CRACD: variants seen among roughly 807,000 people sequenced by gnomAD.
CRACD encodes the protein capping protein inhibiting regulator of actin dynamics.
In CRACD, 56 loss-of-function variants were observed where a neutral mutation model predicts 106.8. The ratio of observed to expected loss-of-function variants is 0.52; its 90% CI spans 0.42 to 0.66. CRACD has a LOEUF of 0.66. CRACD is among the 30% of genes least tolerant of loss of function. CRACD has a pLI of 0.00. For synonymous variants in CRACD, 754 were observed against 670.8 expected (o/e 1.12, Z -1.92); for missense variants, 1,730 against 1,623.2 (o/e 1.07, Z -1.13).
chr4:56,262,974 T>C (rs1333692747), intron 2 of CRACD, among the ~76,000 whole-genome samples: 4 of 152,128 alleles, frequency 2.6e-5, no homozygotes, highest in African/African-American at 9.7e-5. Context: ...AGGTCTATGT[T>C]GTTGAGCATC....
chr4:56,221,749 G>A (rs896745990), intron 2 of CRACD, among the ~76,000 whole-genome samples: 4 of 152,142 alleles, frequency 2.6e-5, no homozygotes, highest in Non-Finnish European at 5.9e-5. Flanking sequence ...TTTCTCAAAA[G>A]AGGATGTACA....
chr4:56,135,671 T>G (rs1734977117), intron 1 of CRACD, among the ~76,000 whole-genome samples: 1 of 152,176 alleles, frequency 6.6e-6, no homozygotes, highest in African/African-American at 2.4e-5. Context: ...GAGTGGGTTG[T>G]GAATGAGGAA....
At chr4:56,050,273 A>AGT (rs3036783) in intron 1 of CRACD, among the ~76,000 whole-genome samples, 35,348 of 134,054 alleles carry the variant, frequency 0.26, 5,094 homozygotes, top group East Asian at 0.41. Context: ...TAGGTGAGGG[A>AGT]GTGTGTGTGT....
intron 3 of CRACD, among the ~76,000 whole-genome samples, chr4:56,288,217 C>T (rs1270127329): frequency 6.6e-6 from 1 of 152,102 alleles, no homozygotes; most frequent in Non-Finnish European, 1.5e-5. Flanking sequence ...TTACCTTCCT[C>T]CTCCTGCTCT....
At chr4:56,219,336 T>A (rs1738907065) in intron 2 of CRACD, among the ~76,000 whole-genome samples, 1 of 151,920 alleles carries the variant, frequency 6.6e-6, no homozygotes, top group Non-Finnish European at 1.5e-5. Context: ...GAATATTAGG[T>A]TTTGTTCGTT....
rs113979548 is a variant in CRACD, at chr4:56,204,229, T to C, written c.-189+24799T>C. On this transcript the variant is annotated intron_variant, in intron 2 of 10. Coordinates refer to ENST00000682029, the MANE Select transcript of CRACD (RefSeq NM_001393381.1). Reference sequence around the variant, plus strand: ...CCATGGAGTGGCCAGATTGCTGAGCTAGTAGAGATCCATTAGACTCTCCTT... The same window carrying C: ...CCATGGAGTGGCCAGATTGCTGAGCCAGTAGAGATCCATTAGACTCTCCTT... Among the ~76,000 whole-genome samples, 625 of 152,352 alleles carry C rather than the reference T, an allele frequency of 4.1e-3. 4 individuals are homozygous for C. The highest frequency in any genetic ancestry group is 0.014 in the African/African-American group (584 of 41,586).
intron 1 of CRACD, among the ~76,000 whole-genome samples, chr4:56,053,813 T>TA (rs1473631880): frequency 1.3e-5 from 2 of 151,960 alleles, no homozygotes; most frequent in Non-Finnish European, 2.9e-5. Context: ...CAAAGAACAG[T>TA]AGTTTCATGG....
At chr4:56,121,066 T>C (rs1343346083) in intron 1 of CRACD, among the ~76,000 whole-genome samples, 1 of 152,228 alleles carries the variant, frequency 6.6e-6, no homozygotes, top group Non-Finnish European at 1.5e-5. Flanking sequence ...ATATATAACC[T>C]GGACTGGATC....
intron 2 of CRACD, among the ~76,000 whole-genome samples, chr4:56,183,235 A>AAAAATAAAATAAATAAAATAAAAT (rs1736920057): frequency 1.6e-5 from 2 of 124,394 alleles, no homozygotes; most frequent in African/African-American, 6.4e-5. Context: ...CTCCGTCTCA[A>AAAAATAAAATAAATAAAATAAAAT]AAAATAAAAT....
intron 1 of CRACD, among the ~76,000 whole-genome samples, chr4:56,161,575 C>G (rs1257974866): frequency 6.6e-6 from 1 of 151,850 alleles, no homozygotes; most frequent in Admixed American, 6.6e-5. Flanking sequence ...CCTCAGCCTC[C>G]CAAGTAGCTG....
At chr4:56,112,350 G>A (rs1349577063) in intron 1 of CRACD, among the ~76,000 whole-genome samples, 1 of 152,188 alleles carries the variant, frequency 6.6e-6, no homozygotes, top group African/African-American at 2.4e-5. Context: ...GCAGTTACAG[G>A]CAAAGTCGTA....
Position 56,316,286 on chromosome 4 carries a change from T to G in CRACD, c.2784T>G (p.Ser928=), listed in dbSNP as rs1184865348. The G allele has an allele frequency of 3.7e-6, 6 of 1,613,862 alleles. No individual in the cohort carries two copies. The highest frequency in any genetic ancestry group is 1.3e-5 in the African/African-American group (1 of 74,934). The change falls in exon 8 of 11, where the codon TCT becomes TCG. Residue 928 remains serine, a synonymous_variant. Transcript: ENST00000682029. ...CCGCTGAACCTTCCAGCAGCCGCTC[T>G]GTTCCTGTGGCCCACCCTGGGCCTC... ...RDSAEPSSSR[S]VPVAHPGPPP...
At chr4:56,191,977 G>T (rs1341690013) in intron 2 of CRACD, among the ~76,000 whole-genome samples, 1 of 152,106 alleles carries the variant, frequency 6.6e-6, no homozygotes, top group Non-Finnish European at 1.5e-5. Context: ...TGCTAGAACT[G>T]CCCAGAAGAA....
chr4:56,236,030 AAAAATGCT>A (rs1291809842), intron 2 of CRACD, among the ~76,000 whole-genome samples: 1 of 152,178 alleles, frequency 6.6e-6, no homozygotes, highest in Non-Finnish European at 1.5e-5. Flanking sequence ...TGTATCCTTG[AAAAATGCT>A]ATGTTGGAAT....
chr4:56,247,861 AAGAG>A (rs201091189), intron 2 of CRACD, among the ~76,000 whole-genome samples: 4 of 151,260 alleles, frequency 2.6e-5, no homozygotes, highest in African/African-American at 9.7e-5. Flanking sequence ...AAAAAAAAAA[AAGAG>A]AGAGAGAGAG....
chr4:56,215,938 T>A (rs954847351), intron 2 of CRACD, among the ~76,000 whole-genome samples: 1 of 152,248 alleles, frequency 6.6e-6, no homozygotes, highest in Non-Finnish European at 1.5e-5. Context: ...TAATATGCTC[T>A]TATAGATGAG....
intron 3 of CRACD, among the ~76,000 whole-genome samples, chr4:56,295,660 C>T (rs1333683789): frequency 4.6e-5 from 5 of 109,116 alleles, no homozygotes; most frequent in African/African-American, 1.0e-4. Flanking sequence ...AATTAGTAAA[C>T]ATATATATAT....
intron 2 of CRACD, among the ~76,000 whole-genome samples, chr4:56,230,531 G>A (rs1019364255): frequency 3.9e-5 from 6 of 152,134 alleles, no homozygotes; most frequent in East Asian, 1.9e-4. Flanking sequence ...CTAGTTCTGC[G>A]CTAACTTGCC....
intron 1 of CRACD, among the ~76,000 whole-genome samples, chr4:56,123,180 G>T (rs1325454803): frequency 6.6e-6 from 1 of 152,206 alleles, no homozygotes; most frequent in Non-Finnish European, 1.5e-5. Flanking sequence ...AGCTTACTGT[G>T]TGTGAGGCAC....
Sources: gnomAD v4.1 joint callset for allele counts (sites outside exome capture counted in the v4.1 genomes callset) on GRCh38, gnomAD v4.1.1 for gene constraint, MANE v1.5 for transcripts, NCBI Gene and HGNC (gene_info 2026-07-23, HGNC 2026-07-21) for gene names.